TOB2: variants seen among roughly 807,000 people sequenced by gnomAD.
The protein encoded by TOB2 is protein Tob2.
Under a neutral mutation model 17.3 loss-of-function variants are expected in TOB2, and 3 were observed. The observed-to-expected ratio is 0.17, with a 90% confidence interval of 0.08 to 0.45. The LOEUF is 0.45. Among genes scored for constraint, TOB2 ranks in the 20% least tolerant of loss-of-function variants. The probability of loss-of-function intolerance (pLI) is 0.99; values close to 1 mark genes in which losing one functional copy is unlikely to be tolerated. For synonymous variants in TOB2, 163 were observed against 185.6 expected (o/e 0.88, Z 0.99); for missense variants, 407 against 445.7 (o/e 0.91, Z 0.78).
intron 1 of TOB2, among the ~76,000 whole-genome samples, chr22:41,444,688 T>C (rs975775915): frequency 6.6e-6 from 1 of 152,206 alleles, no homozygotes; most frequent in Non-Finnish European, 1.5e-5. Context: ...GCCTAATACA[T>C]TTCATGTAGA....
At chr22:41,446,100 G>A (rs1277721168) in intron 1 of TOB2, among the ~76,000 whole-genome samples, 1 of 152,168 alleles carries the variant, frequency 6.6e-6, no homozygotes, top group Non-Finnish European at 1.5e-5. Flanking sequence ...GCGGGGAAGG[G>A]AGGAAATGCA....
chr22:41,434,878 C>A lies in TOB2; in HGVS notation c.*1433G>T, dbSNP rs987041586. The A allele has an allele frequency of 9.2e-5, 14 of 152,650 alleles. No individual in the cohort carries two copies. The highest frequency in any genetic ancestry group is 3.4e-4 in the African/African-American group (14 of 41,428). The allele number at this position is 152,650 out of a possible 1,614,324, so 9.5% of individuals were successfully genotyped here. A position where few individuals can be genotyped will look rare whatever the true frequency, so the allele number is the denominator to read the frequency against. ...GGCGGGAGTGCTGAGTCCGTCAGGA[C>A]ACCACTCCTCGCAGCATCAAGGTCC... On this transcript the variant is annotated 3_prime_UTR_variant, in exon 2 of 2. Coordinates refer to ENST00000327492, the MANE Select transcript of TOB2 (RefSeq NM_016272.4).
At chr22:41,439,965 TG>T (rs1052318198) in intron 1 of TOB2, among the ~76,000 whole-genome samples, 4 of 152,156 alleles carry the variant, frequency 2.6e-5, no homozygotes, top group African/African-American at 9.7e-5. Context: ...GAAGGTCACA[TG>T]GGAGTCAGCA....
At chr22:41,445,914 G>A (rs1043418315) in intron 1 of TOB2, among the ~76,000 whole-genome samples, 2 of 152,162 alleles carry the variant, frequency 1.3e-5, no homozygotes, top group Non-Finnish European at 2.9e-5. Flanking sequence ...CACAGAGCCA[G>A]AAATAGAGTC....
intron 1 of TOB2, 100 bp from the exon 2 acceptor site, chr22:41,437,507 C>G (rs2037567976): frequency 2.9e-6 from 4 of 1,388,452 alleles, no homozygotes; most frequent in Non-Finnish European, 3.8e-6. Flanking sequence ...CACACAGAAC[C>G]AGGAGCCTAT....
Position 41,435,331 on chromosome 22 carries a change from C to T in TOB2, c.*980G>A, listed in dbSNP as rs1044177417. 1 of 152,216 alleles carries T rather than the reference C, an allele frequency of 6.6e-6. No homozygotes were observed. Among genetic ancestry groups the T allele is most frequent in the African/African-American group, 2.4e-5 (1 of 41,426 alleles). The allele number at this position is 152,216 out of a possible 1,614,324, so 9.4% of individuals were successfully genotyped here. A position where few individuals can be genotyped will look rare whatever the true frequency, so the allele number is the denominator to read the frequency against. On this transcript the variant is annotated 3_prime_UTR_variant, in exon 2 of 2. Coordinates refer to ENST00000327492, the MANE Select transcript of TOB2 (RefSeq NM_016272.4). ...CTAAGCCACAGCGGTGTCACCCCAC[C>T]ACACACACTGCCCTGCAAAAGGACT...
At chr22:41,443,763 A>G (rs1434120446) in intron 1 of TOB2, among the ~76,000 whole-genome samples, 1 of 151,444 alleles carries the variant, frequency 6.6e-6, no homozygotes, top group Non-Finnish European at 1.5e-5. Context: ...AACTGGGATT[A>G]CAGGAATGCG....
chr22:41,438,653 A>AAAAAAAAAAAAAAAAAAAAT (rs2037581220), intron 1 of TOB2, among the ~76,000 whole-genome samples: 1 of 143,000 alleles, frequency 7.0e-6, no homozygotes, highest in Non-Finnish European at 1.5e-5. Context: ...AAAAAAAAAA[A>AAAAAAAAAAAAAAAAAAAAT]AAAAAAAAGG....
chr22:41,436,659 C>T lies in TOB2; in HGVS notation c.687G>A (p.Lys229=). The T allele has an allele frequency of 6.2e-7, 1 of 1,614,068 alleles. No individual in the cohort carries two copies. Among genetic ancestry groups the T allele is most frequent in the Admixed American group, 1.7e-5 (1 of 60,010 alleles). Residue 229 remains lysine (K), a synonymous_variant, in exon 2 of 2, where the codon AAG becomes AAA. Coordinates refer to ENST00000327492, the MANE Select transcript of TOB2 (RefSeq NM_016272.4). The surrounding 1 kb of genome is among the most constrained non-coding windows in gnomAD (Gnocchi z 4.8). ...MARSPTNSLL[K]HKSLSLSMHS... ...GCATAGACAGAGAGAGGCTCTTGTGCTTCAGCAGGCTGTTGGTGGGTGAGC... is the reference window on the plus strand; with the variant it reads ...GCATAGACAGAGAGAGGCTCTTGTGTTTCAGCAGGCTGTTGGTGGGTGAGC...
At chr22:41,437,829 AGT>A (rs1240817058) in intron 1 of TOB2, among the ~76,000 whole-genome samples, 1 of 151,688 alleles carries the variant, frequency 6.6e-6, no homozygotes, top group Non-Finnish European at 1.5e-5. Flanking sequence ...GCATGCCTGT[AGT>A]CTCAGCTACT....
chr22:41,442,130 A>G (rs1445901557), intron 1 of TOB2, among the ~76,000 whole-genome samples: 1 of 152,016 alleles, frequency 6.6e-6, no homozygotes, highest in Non-Finnish European at 1.5e-5. Flanking sequence ...GTTGTGAGGA[A>G]AGTTGATACT....
At chr22:41,440,363 C>A (rs2037602665) in intron 1 of TOB2, among the ~76,000 whole-genome samples, 1 of 151,480 alleles carries the variant, frequency 6.6e-6, no homozygotes, top group South Asian at 2.1e-4. Flanking sequence ...GTGATCCACC[C>A]ACCTCAGCCT....
rs372247600 is a variant in TOB2, at chr22:41,437,147, C to T, written c.199G>A (p.Val67Met). The T allele has an allele frequency of 3.1e-6, 5 of 1,614,118 alleles. No homozygotes were observed. The highest frequency in any genetic ancestry group is 1.1e-5 in the South Asian group (1 of 91,078). Reference sequence around the variant, plus strand: ...CTCCGCTTGGCGGCCAGCTCCACCACGGGGTCCACCATCTCCCCAATGTGA... The same window carrying T: ...CTCCGCTTGGCGGCCAGCTCCACCATGGGGTCCACCATCTCCCCAATGTGA... Reference protein sequence around the residue: ...CVHIGEMVDPVVELAAKRSGL... With the variant: ...CVHIGEMVDPMVELAAKRSGL... The change falls in exon 2 of 2, where the codon GTG becomes ATG. Residue 67 changes from valine to methionine, a missense_variant. By Grantham distance (21) the Val-to-Met change is conservative. Coordinates refer to ENST00000327492, the MANE Select transcript of TOB2 (RefSeq NM_016272.4).
chr22:41,437,189 A>G lies in TOB2; in HGVS notation c.157T>C (p.Ser53Pro). ...CCAATGTGAACACAGCGGAAGCCAG[A>G]GCCTTTCAGTGGCTTCTCAGGGTAC... ...HWYPEKPLKG[S>P]GFRCVHIGEM... Residue 53 changes from serine (S) to proline (P), a missense_variant, in exon 2 of 2, where the codon TCT (serine) becomes CCT (proline). Transcript: ENST00000327492. 6.2e-7 allele frequency: 1 copy of G among 1,614,116 alleles called. No homozygotes were observed. Among genetic ancestry groups the G allele is most frequent in the Non-Finnish European group, 8.5e-7 (1 of 1,180,040 alleles).
rs2037567447 is a variant in TOB2 at position 41,437,419 on chromosome 22, G to A, written c.-62-12C>T. 1 of 1,522,142 alleles carries A rather than the reference G, an allele frequency of 6.6e-7. No individual in the cohort carries two copies. Among genetic ancestry groups the A allele is most frequent in the African/African-American group, 1.4e-5 (1 of 71,900 alleles). The allele number at this position is 1,522,142 out of a possible 1,614,324, so 94.3% of individuals were successfully genotyped here. A position where few individuals can be genotyped will look rare whatever the true frequency, so the allele number is the denominator to read the frequency against. On this transcript the variant is annotated splice_polypyrimidine_tract_variant and intron_variant, in intron 1 of 1. Transcript: ENST00000327492. ...GGCTCCAGGCGGCTCTGGGAAATGAGAGGCACCGTGAGAAAATATGCAGAA... is the reference window on the plus strand; with the variant it reads ...GGCTCCAGGCGGCTCTGGGAAATGAAAGGCACCGTGAGAAAATATGCAGAA...
rs933457688 is a variant in TOB2, at chr22:41,446,653, C to G, written c.-337G>C. On this transcript the variant is annotated 5_prime_UTR_variant, in exon 1 of 2. Coordinates refer to ENST00000327492, the MANE Select transcript of TOB2 (RefSeq NM_016272.4). ...ACTAGCGGCGACGACGCGGGGATGG[C>G]GGATCGGAGGGTGGTTCGTGTCGCG... 2.7e-4 allele frequency: 41 copies of G among 152,912 alleles called. No individual in the cohort carries two copies. Among genetic ancestry groups the G allele is most frequent in the African/African-American group, 9.4e-4 (39 of 41,448 alleles). The allele number at this position is 152,912 out of a possible 1,614,324, so 9.5% of individuals were successfully genotyped here.
rs1391571708 is a variant in TOB2 at position 41,446,615 on chromosome 22, G to C, written c.-299C>G. On this transcript the variant is annotated 5_prime_UTR_variant, in exon 1 of 2. Coordinates refer to ENST00000327492, the MANE Select transcript of TOB2 (RefSeq NM_016272.4). ...CGGGCTCGGCAGCGGGGGGCCCGAG[G>C]GCGGGCGGGCGGACTAGCGGCGACG... 1 of 152,356 alleles carries C rather than the reference G, an allele frequency of 6.6e-6. No individual in the cohort carries two copies. Among genetic ancestry groups the C allele is most frequent in the African/African-American group, 2.5e-5 (1 of 40,698 alleles). 9.4% of individuals were successfully genotyped at this position (152,356 alleles called of 1,614,324 possible).
chr22:41,443,257 GGTGT>G (rs142419692), intron 1 of TOB2, among the ~76,000 whole-genome samples: 2 of 151,940 alleles, frequency 1.3e-5, no homozygotes, highest in African/African-American at 2.4e-5. Flanking sequence ...ATGTGAGGAA[GGTGT>G]GTGTGTGTGT....
Position 41,436,040 on chromosome 22 carries a change from T to C in TOB2, c.*271A>G. On this transcript the variant is annotated 3_prime_UTR_variant, in exon 2 of 2. Transcript: ENST00000327492. This position sits in a 1 kb window ranked among gnomAD's most constrained non-coding sequence, Gnocchi z 4.8. ...TAAAGATGTTATATAGAAAACTACA[T>C]GTAAGAAAAAAAAAAAAGAAAAAGA... 1 of 348,692 alleles carries C rather than the reference T, an allele frequency of 2.9e-6. No homozygotes were observed. The highest frequency in any genetic ancestry group is 4.6e-5 in the East Asian group (1 of 21,758). The allele number at this position is 348,692 out of a possible 1,614,324, so 21.6% of individuals were successfully genotyped here.
Sources: gnomAD v4.1 joint callset for allele counts (sites outside exome capture counted in the v4.1 genomes callset) on GRCh38, gnomAD v4.1.1 for gene constraint, Gnocchi (gnomAD v3.1) non-coding constraint, MANE v1.5 for transcripts, NCBI Gene and HGNC (gene_info 2026-07-23, HGNC 2026-07-21) for gene names.